IGF2BP2: variants seen among roughly 807,000 people sequenced by gnomAD.
IGF2BP2 encodes insulin like growth factor 2 mRNA binding protein 2.
IGF2BP2 carries 17 observed loss-of-function variants against 75.8 expected under a neutral mutation model. The observed-to-expected ratio is 0.22, with a 90% CI of 0.15 to 0.34. The LOEUF is 0.34. Ranked by LOEUF, IGF2BP2 falls within the 10% of genes least tolerant of loss-of-function variation. IGF2BP2 has a pLI of 1.00. For missense variants in IGF2BP2, 516 were observed against 772.4 expected, an observed-to-expected ratio of 0.67 and a Z score of 3.93; for synonymous variants, 288 against 295.6, an observed-to-expected ratio of 0.97 and a Z score of 0.26.
chr3:185,808,320 C>CA (rs35188816), intron 2 of IGF2BP2, among the ~76,000 whole-genome samples: 22 of 148,974 alleles, frequency 1.5e-4, no homozygotes, highest in South Asian at 6.4e-4. Flanking sequence ...ACTAAAAATA[C>CA]AAAAAAAAAA....
intron 2 of IGF2BP2, among the ~76,000 whole-genome samples, chr3:185,785,950 G>A (rs1267580951): frequency 1.3e-5 from 2 of 152,288 alleles, no homozygotes; most frequent in East Asian, 1.9e-4. Flanking sequence ...TGAAGAAAAT[G>A]TTCTCAAGTC....
At chr3:185,822,340 G>A (rs533339391) in intron 2 of IGF2BP2, among the ~76,000 whole-genome samples, 68 of 152,178 alleles carry the variant, frequency 4.5e-4, no homozygotes, top group African/African-American at 1.6e-3. Flanking sequence ...TCGACACACA[G>A]CAGAAGAAAA....
intron 2 of IGF2BP2, chr3:185,716,430 T>C (rs966347935): frequency 5.9e-6 from 3 of 508,348 alleles, no homozygotes; most frequent in Non-Finnish European, 1.2e-5. Flanking sequence ...CCTCCCTCTT[T>C]CCATATTCAG....
chr3:185,712,024 G>C lies in IGF2BP2; in HGVS notation c.240-13677C>G, dbSNP rs546689536. Among the ~76,000 whole-genome samples, 7 of 152,282 alleles carry C rather than the reference G, an allele frequency of 4.6e-5. No homozygotes were observed. In the South Asian group the frequency reaches 1.5e-3, roughly 32 times the overall value. On this transcript the variant is annotated intron_variant, in intron 2 of 15. Transcript: ENST00000382199. ...GGTGCCTGGTTTTCCCATGAAATGT[G>C]AATGAATCTGGCAACTAATTAGAAG...
intron 2 of IGF2BP2, among the ~76,000 whole-genome samples, chr3:185,815,087 C>T (rs962788397): frequency 1.3e-5 from 2 of 151,836 alleles, no homozygotes; most frequent in African/African-American, 4.8e-5. Context: ...ATGGAACAGG[C>T]CCTCCTCCCA....
At chr3:185,790,917 T>C (rs1422132493) in intron 2 of IGF2BP2, among the ~76,000 whole-genome samples, 1 of 152,260 alleles carries the variant, frequency 6.6e-6, no homozygotes, top group African/African-American at 2.4e-5. Flanking sequence ...CATCATGTTT[T>C]TCATTAGTTT....
intron 2 of IGF2BP2, among the ~76,000 whole-genome samples, chr3:185,755,224 C>T (rs1005360493): frequency 2.0e-5 from 3 of 152,212 alleles, no homozygotes; most frequent in Non-Finnish European, 4.4e-5. Context: ...CTGCAACCCC[C>T]ATCTCCACTG....
chr3:185,732,870 C>A (rs961569017), intron 2 of IGF2BP2, among the ~76,000 whole-genome samples: 2 of 152,170 alleles, frequency 1.3e-5, no homozygotes, highest in African/African-American at 4.8e-5. Flanking sequence ...ACAGATAATA[C>A]CATGTGTATA....
chr3:185,790,013 T>C (rs1001152631), intron 2 of IGF2BP2, among the ~76,000 whole-genome samples: 1 of 152,146 alleles, frequency 6.6e-6, no homozygotes, highest in Non-Finnish European at 1.5e-5. Flanking sequence ...AGATTACAGG[T>C]GTGAGCCACT....
chr3:185,723,747 T>C (rs1726913747), intron 2 of IGF2BP2, among the ~76,000 whole-genome samples: 1 of 152,118 alleles, frequency 6.6e-6, no homozygotes, highest in Admixed American at 6.5e-5. Flanking sequence ...CAGGTGAGTA[T>C]GGAATGGGGT....
rs1452404325 is a variant in IGF2BP2 at position 185,643,762 on chromosome 3, G to GTTTTTTTTTT, written c.*1768_*1769insAAAAAAAAAA. 7.5e-6 allele frequency: 1 copy of GTTTTTTTTTT among 132,606 alleles called. No homozygotes were observed. The highest frequency in any genetic ancestry group is 2.8e-5 in the African/African-American group (1 of 35,644). The allele number at this position is 132,606 out of a possible 1,614,324, so 8.2% of individuals were successfully genotyped here. Reference sequence around the variant, plus strand: ...GATCTTGTTAGCTGGATATATTTCTGTTTTTTCTTTTTTTTTCTTTTTTTT... The same window carrying GTTTTTTTTTT: ...GATCTTGTTAGCTGGATATATTTCTGTTTTTTTTTTTTTTTTCTTTTTTTTTCTTTTTTTT... On this transcript the variant is annotated 3_prime_UTR_variant, in exon 16 of 16. Transcript: ENST00000382199.
intron 2 of IGF2BP2, among the ~76,000 whole-genome samples, chr3:185,775,343 T>C (rs1734411531): frequency 6.6e-6 from 1 of 152,202 alleles, no homozygotes; most frequent in South Asian, 2.1e-4. Context: ...AACATTTCAA[T>C]GAACACTTAT....
chr3:185,767,960 T>G (rs1381435041), intron 2 of IGF2BP2: 7 of 152,344 alleles, frequency 4.6e-5, no homozygotes, highest in African/African-American at 1.7e-4. Flanking sequence ...AATCCAATTA[T>G]ACTTCTAGGA....
At chr3:185,720,480 G>C (rs1377418990) in intron 2 of IGF2BP2, among the ~76,000 whole-genome samples, 1 of 152,172 alleles carries the variant, frequency 6.6e-6, no homozygotes, top group Non-Finnish European at 1.5e-5. Flanking sequence ...CCTATTTAAA[G>C]CTACTAACAT....
At chr3:185,686,952 C>A in intron 7 of IGF2BP2, 105 bp downstream of exon 7, 4 of 1,274,524 alleles carry the variant, frequency 3.1e-6, no homozygotes, top group Non-Finnish European at 3.3e-6. Flanking sequence ...GCCTCTGTTA[C>A]TGAGTAACAG....
At chr3:185,762,790 A>C (rs1445894137) in intron 2 of IGF2BP2, among the ~76,000 whole-genome samples, 1 of 152,194 alleles carries the variant, frequency 6.6e-6, no homozygotes, top group Non-Finnish European at 1.5e-5. Flanking sequence ...GTTTCTTAAT[A>C]ATAGCAAATG....
At chr3:185,746,668 T>C (rs1050366980) in intron 2 of IGF2BP2, among the ~76,000 whole-genome samples, 1 of 152,172 alleles carries the variant, frequency 6.6e-6, no homozygotes, top group African/African-American at 2.4e-5. Context: ...GGAGCAAAAG[T>C]GGGGACAAAG....
At chr3:185,675,766 T>C in intron 8 of IGF2BP2, 25 bp downstream of exon 8, 2 of 1,610,312 alleles carry the variant, frequency 1.2e-6, no homozygotes, top group Non-Finnish European at 1.7e-6. Flanking sequence ...TTATTGGGCA[T>C]GAGTAATCTG....
intron 2 of IGF2BP2, among the ~76,000 whole-genome samples, chr3:185,734,244 C>G (rs1195185274): frequency 1.3e-5 from 2 of 152,146 alleles, no homozygotes; most frequent in Non-Finnish European, 2.9e-5. Flanking sequence ...TTATCTCATT[C>G]AATTCCAACA....
Sources: gnomAD v4.1 joint callset for allele counts (sites outside exome capture counted in the v4.1 genomes callset) on GRCh38, gnomAD v4.1.1 for gene constraint, MANE v1.5 for transcripts, NCBI Gene and HGNC (gene_info 2026-07-23, HGNC 2026-07-21) for gene names.